Variants in GABRG2 observed in about 807,000 individuals in gnomAD.
GABRG2 encodes gamma-aminobutyric acid type A receptor subunit gamma2.
A neutral mutation model predicts 56.4 loss-of-function variants in GABRG2; 16 were observed. That is an observed-to-expected ratio of 0.28 (90% confidence interval 0.19 to 0.43). The LOEUF (loss-of-function observed/expected upper bound fraction) is 0.43, where lower values mean the gene tolerates loss of function less well. Among genes scored for constraint, GABRG2 ranks in the 20% least tolerant of loss-of-function variants. GABRG2 has a pLI of 1.00. For missense variants in GABRG2, 327 were observed against 582.7 expected, an observed-to-expected ratio of 0.56 and a Z score of 4.52; for synonymous variants, 208 against 205.5, an observed-to-expected ratio of 1.01 and a Z score of -0.10.
chr5:162,075,638 T>G (rs888846107), intron 1 of GABRG2, among the ~76,000 whole-genome samples: 1 of 152,114 alleles, frequency 6.6e-6, no homozygotes, highest in Admixed American at 6.6e-5. Flanking sequence ...TATGCTTAAT[T>G]AAGTAATAAA....
At chr5:162,115,069 A>G (rs1230618298) in intron 6 of GABRG2, among the ~76,000 whole-genome samples, 3 of 152,198 alleles carry the variant, frequency 2.0e-5, no homozygotes, top group Non-Finnish European at 2.9e-5. Context: ...ATGTTCTGCA[A>G]TAAAATCCTA....
At chr5:162,141,955 A>ACAAAT (rs1447257205) in intron 6 of GABRG2, among the ~76,000 whole-genome samples, 1 of 152,172 alleles carries the variant, frequency 6.6e-6, no homozygotes, top group Non-Finnish European at 1.5e-5. Flanking sequence ...CATCTAGTAG[A>ACAAAT]CAAATTGCTC....
chr5:162,097,591 T>C (rs572627800), intron 3 of GABRG2, 47 bp from the exon 4 acceptor site: 1 of 1,344,328 alleles, frequency 7.4e-7, no homozygotes, highest in African/African-American at 1.4e-5. Context: ...TTTAAAAAGA[T>C]AATCTTACTG....
intron 9 of GABRG2, chr5:162,151,965 A>G (rs959858256): frequency 1.3e-5 from 6 of 467,438 alleles, no homozygotes; most frequent in African/African-American, 4.0e-5. Flanking sequence ...CCCAAAAGCT[A>G]TAATCCCTGT....
chr5:162,082,502 A>G (rs1759746411), intron 1 of GABRG2, among the ~76,000 whole-genome samples: 1 of 151,722 alleles, frequency 6.6e-6, no homozygotes, highest in Non-Finnish European at 1.5e-5. Context: ...GGGATTTTTT[A>G]TATTGTTCCA....
chr5:162,133,058 C>T (rs1763868807), intron 6 of GABRG2, among the ~76,000 whole-genome samples: 1 of 151,704 alleles, frequency 6.6e-6, no homozygotes, highest in African/African-American at 2.4e-5. Flanking sequence ...GTATTACTGG[C>T]TTTCATGGAT....
At chr5:162,151,535 T>C in intron 8 of GABRG2, 195 bp from the exon 9 acceptor site, 1 of 521,942 alleles carries the variant, frequency 1.9e-6, no homozygotes, top group Non-Finnish European at 3.3e-6. Context: ...AATTACAAAA[T>C]TACACTTAAC....
intron 6 of GABRG2, among the ~76,000 whole-genome samples, chr5:162,136,364 A>C (rs1228521370): frequency 6.6e-6 from 1 of 152,112 alleles, no homozygotes; most frequent in Non-Finnish European, 1.5e-5. Flanking sequence ...GCGCACTTGA[A>C]ATGTGGTTTG....
chr5:162,113,339 T>C (rs2113435337), intron 6 of GABRG2, among the ~76,000 whole-genome samples: 1 of 152,288 alleles, frequency 6.6e-6, no homozygotes. Flanking sequence ...ATTTTTCACA[T>C]TTCTCTGTTT....
At chr5:162,081,449 T>C (rs1759659984) in intron 1 of GABRG2, among the ~76,000 whole-genome samples, 1 of 152,018 alleles carries the variant, frequency 6.6e-6, no homozygotes. Context: ...TATTCTTGGT[T>C]TGAGTGGTAC....
In GABRG2 at chr5:162,097,628, A is replaced by T; in HGVS notation, c.328-10A>T. ...GTACAAATTTTCTGTTTATCATTTT[A>T]TTAAAACAGGAATACACTATTGATA... On this transcript the variant is annotated splice_polypyrimidine_tract_variant and intron_variant, in intron 3 of 9. Coordinates refer to ENST00000639213, the MANE Select transcript of GABRG2 (RefSeq NM_198904.4). 1.3e-6 allele frequency: 2 copies of T among 1,583,942 alleles called. No homozygotes were observed. Among genetic ancestry groups the T allele is most frequent in the Non-Finnish European group, 1.7e-6 (2 of 1,153,200 alleles).
At chr5:162,072,593 T>C (rs969379990) in intron 1 of GABRG2, among the ~76,000 whole-genome samples, 2 of 152,146 alleles carry the variant, frequency 1.3e-5, no homozygotes, top group African/African-American at 2.4e-5. Context: ...CAGACACCTA[T>C]GTGACCTCTT....
In GABRG2 at chr5:162,086,782, C is replaced by A. The variant is rs1227536840; in HGVS notation, c.108-7046C>A. 2.6e-5 allele frequency among the ~76,000 whole-genome samples: 4 copies of A among 152,128 alleles called. No homozygotes were observed. In the South Asian group the frequency reaches 8.3e-4, roughly 32 times the overall value. On this transcript the variant is annotated intron_variant, in intron 1 of 9. Transcript: ENST00000639213. The stretch of plus-strand genomic sequence containing the variant: ...TTTTGCTGCATGTAGCAATATTTCA[C>A]AAATTTGAACTGTTGTACAATATTT...
At chr5:162,105,814 TACACAC>T (rs67276484) in intron 6 of GABRG2, among the ~76,000 whole-genome samples, 11,360 of 147,560 alleles carry the variant, frequency 0.077, 722 homozygotes, top group East Asian at 0.24. Context: ...AGAAAACACA[TACACAC>T]ACACACACAC....
intron 1 of GABRG2, among the ~76,000 whole-genome samples, chr5:162,082,440 G>A (rs1287001548): frequency 4.0e-5 from 6 of 151,614 alleles, no homozygotes; most frequent in African/African-American, 7.3e-5. Context: ...CCTTTTTGAC[G>A]TAACACATGC....
At chr5:162,126,826 T>A (rs1763371174) in intron 6 of GABRG2, among the ~76,000 whole-genome samples, 1 of 152,010 alleles carries the variant, frequency 6.6e-6, no homozygotes, top group African/African-American at 2.4e-5. Context: ...TTGAAGTCTC[T>A]CATTGTACAT....
chr5:162,081,888 T>C (rs1759695991), intron 1 of GABRG2, among the ~76,000 whole-genome samples: 1 of 151,944 alleles, frequency 6.6e-6, no homozygotes, highest in Non-Finnish European at 1.5e-5. Flanking sequence ...CCTAACATAT[T>C]ACACAGTAAT....
chr5:162,118,965 C>T lies in GABRG2; in HGVS notation c.769+14939C>T, dbSNP rs192990880. Among the ~76,000 whole-genome samples, 742 of 152,122 alleles carry T rather than the reference C, an allele frequency of 4.9e-3. 7 individuals are homozygous for T. Among genetic ancestry groups the T allele is most frequent in the African/African-American group, 0.017 (709 of 41,530 alleles). ...GGCCCCTAGGATTAATGCACTTTAACGTAAAGTGAAAAAGGGACTTGTAGC... is the reference window on the plus strand; with the variant it reads ...GGCCCCTAGGATTAATGCACTTTAATGTAAAGTGAAAAAGGGACTTGTAGC... On this transcript the variant is annotated intron_variant, in intron 6 of 9. Coordinates refer to ENST00000639213, the MANE Select transcript of GABRG2 (RefSeq NM_198904.4).
intron 6 of GABRG2, among the ~76,000 whole-genome samples, chr5:162,139,473 A>G (rs1448077898): frequency 6.6e-6 from 1 of 152,176 alleles, no homozygotes; most frequent in Non-Finnish European, 1.5e-5. Context: ...TCCATAATCC[A>G]CTGGTAGAAA....
Sources: gnomAD v4.1 joint callset for allele counts (sites outside exome capture counted in the v4.1 genomes callset) on GRCh38, gnomAD v4.1.1 for gene constraint, MANE v1.5 for transcripts, NCBI Gene and HGNC (gene_info 2026-07-23, HGNC 2026-07-21) for gene names.